DSCAM: variants seen among roughly 807,000 people sequenced by gnomAD.
The protein encoded by DSCAM is DS cell adhesion molecule.
In DSCAM, 47 loss-of-function variants were observed where a neutral mutation model predicts 217.7. The observed-to-expected ratio is 0.22, with a 90% CI of 0.17 to 0.28. DSCAM has a LOEUF of 0.28. DSCAM is among the 10% of genes least tolerant of loss of function. DSCAM has a pLI of 1.00. For missense variants in DSCAM, 2,080 were observed against 2,618.3 expected (o/e 0.79, Z 4.49); for synonymous variants, 1,056 against 1,015.3 (o/e 1.04, Z -0.76).
At chr21:40,782,032 G>A (rs1418744523) in intron 1 of DSCAM, among the ~76,000 whole-genome samples, 52 of 147,920 alleles carry the variant, frequency 3.5e-4, no homozygotes, top group Admixed American at 2.8e-3. Flanking sequence ...TTAGCCAGGC[G>A]CAATGGCGGG....
intron 3 of DSCAM, among the ~76,000 whole-genome samples, chr21:40,656,554 C>G (rs2090079172): frequency 6.6e-6 from 1 of 151,958 alleles, no homozygotes; most frequent in African/African-American, 2.4e-5. Context: ...CTGCACAAGT[C>G]CGGTATGTTC....
At chr21:40,118,599 A>T (rs1406725761) in intron 20 of DSCAM, among the ~76,000 whole-genome samples, 1 of 152,178 alleles carries the variant, frequency 6.6e-6, no homozygotes, top group Non-Finnish European at 1.5e-5. Context: ...ACAAACAAAC[A>T]ACAAAAAAGA....
intron 11 of DSCAM, among the ~76,000 whole-genome samples, chr21:40,244,863 A>C (rs2146948987): frequency 6.6e-6 from 1 of 152,296 alleles, no homozygotes; most frequent in South Asian, 2.1e-4. Flanking sequence ...TGCTGTTATG[A>C]TTTGCATGCA....
At chr21:40,240,369 T>TTTTTTC in intron 11 of DSCAM, among the ~76,000 whole-genome samples, 1 of 144,642 alleles carries the variant, frequency 6.9e-6, no homozygotes. Flanking sequence ...TTTTTTTTTT[T>TTTTTTC]TTTTGCCTCC....
intron 11 of DSCAM, among the ~76,000 whole-genome samples, chr21:40,202,560 C>A (rs2091081484): frequency 6.6e-6 from 1 of 152,136 alleles, no homozygotes; most frequent in African/African-American, 2.4e-5. Context: ...TTACAGCACC[C>A]CCTCCTAGGG....
At chr21:40,421,176 GA>G (rs2075420195) in intron 3 of DSCAM, among the ~76,000 whole-genome samples, 1 of 152,168 alleles carries the variant, frequency 6.6e-6, no homozygotes, top group Non-Finnish European at 1.5e-5. Context: ...GAGCCATGGA[GA>G]GGAGCTGGTA....
At chr21:40,495,609 T>C (rs772780469) in intron 3 of DSCAM, among the ~76,000 whole-genome samples, 11 of 152,208 alleles carry the variant, frequency 7.2e-5, no homozygotes, top group Non-Finnish European at 1.3e-4. Flanking sequence ...AGTTTTCCTC[T>C]AATATCAGGA....
chr21:40,054,134 G>C (rs2088976713), intron 29 of DSCAM, among the ~76,000 whole-genome samples: 2 of 152,174 alleles, frequency 1.3e-5, no homozygotes, highest in Non-Finnish European at 2.9e-5. Flanking sequence ...TCTACTGGGT[G>C]AAACAAAAGA....
intron 4 of DSCAM, among the ~76,000 whole-genome samples, chr21:40,365,707 T>C (rs2074824629): frequency 6.6e-6 from 1 of 152,180 alleles, no homozygotes; most frequent in Non-Finnish European, 1.5e-5. Flanking sequence ...AAACTGTCCC[T>C]ACTGAAAAGG....
intron 3 of DSCAM, among the ~76,000 whole-genome samples, chr21:40,394,542 T>C (rs2123761428): frequency 6.6e-6 from 1 of 152,360 alleles, no homozygotes; most frequent in East Asian, 1.9e-4. Context: ...CTGGCAGCTA[T>C]GTCTGGGAAT....
chr21:40,805,747 C>T (rs2091780938), intron 1 of DSCAM, among the ~76,000 whole-genome samples: 1 of 151,718 alleles, frequency 6.6e-6, no homozygotes, highest in Admixed American at 6.6e-5. Flanking sequence ...CTTGCTCTGT[C>T]ACCCAGGCTG....
At chr21:40,708,923 G>A (rs777061556) in intron 1 of DSCAM, 152 bp from the exon 2 acceptor site, 5 of 540,698 alleles carry the variant, frequency 9.2e-6, no homozygotes, top group Non-Finnish European at 1.5e-5. Context: ...TGAAAATGCT[G>A]TGAGCAGACA....
chr21:40,084,537 C>G (rs866137110), intron 23 of DSCAM, among the ~76,000 whole-genome samples: 1 of 111,758 alleles, frequency 8.9e-6, no homozygotes, highest in African/African-American at 3.5e-5. Flanking sequence ...CACACACACA[C>G]ACACACACAC....
Position 40,453,038 on chromosome 21 carries a change from CTTTGTGTG to C in DSCAM, c.509-83801_509-83794del, listed in dbSNP as rs2075732969. ...CTCTCTGGTTCCTGAATTTTAAAGA[CTTTGTGTG>C]TGTGTGTGTGTGTGTGTGTGTGTGT... On this transcript the variant is annotated intron_variant, in intron 3 of 32. Coordinates refer to ENST00000400454, the MANE Select transcript of DSCAM (RefSeq NM_001389.5). Among the ~76,000 whole-genome samples, 5 of 96,268 alleles carry C rather than the reference CTTTGTGTG, an allele frequency of 5.2e-5. No homozygotes were observed. The South Asian group carries it at 1.7e-3, about 32-fold the overall frequency. 63.2% of individuals were successfully genotyped at this position (96,268 alleles called of 152,430 possible). A position where few individuals can be genotyped will look rare whatever the true frequency, so the allele number is the denominator to read the frequency against.
At chr21:40,486,816 CAG>C (rs1392189144) in intron 3 of DSCAM, among the ~76,000 whole-genome samples, 4 of 152,176 alleles carry the variant, frequency 2.6e-5, no homozygotes, top group Non-Finnish European at 4.4e-5. Flanking sequence ...TGTCATCAAA[CAG>C]AGCTTGAAAT....
At chr21:40,212,417 T>C (rs2146883260) in intron 11 of DSCAM, 1 of 154,270 alleles carries the variant, frequency 6.5e-6, no homozygotes, top group Non-Finnish European at 1.5e-5. Flanking sequence ...TCATGTTCAA[T>C]CTAAACACCA....
intron 3 of DSCAM, among the ~76,000 whole-genome samples, chr21:40,574,950 T>C (rs1395850741): frequency 6.6e-6 from 1 of 152,190 alleles, no homozygotes; most frequent in Non-Finnish European, 1.5e-5. Context: ...ATTTGATTTC[T>C]AGAACAACCA....
intron 3 of DSCAM, among the ~76,000 whole-genome samples, chr21:40,563,457 T>C (rs1018907916): frequency 2.7e-5 from 4 of 147,524 alleles, no homozygotes; most frequent in African/African-American, 9.8e-5. Context: ...ATCTATATTT[T>C]GAAATATATA....
intron 8 of DSCAM, among the ~76,000 whole-genome samples, chr21:40,336,821 A>G (rs2074434294): frequency 6.6e-6 from 1 of 152,148 alleles, no homozygotes; most frequent in Non-Finnish European, 1.5e-5. Flanking sequence ...GACCTTTTTC[A>G]TTGTTGTATT....
Sources: gnomAD v4.1 joint callset for allele counts (sites outside exome capture counted in the v4.1 genomes callset) on GRCh38, gnomAD v4.1.1 for gene constraint, MANE v1.5 for transcripts, NCBI Gene and HGNC (gene_info 2026-07-23, HGNC 2026-07-21) for gene names.